Variants in CRPPA observed in about 807,000 individuals in gnomAD.
CRPPA encodes the protein CDP-L-ribitol pyrophosphorylase A, also known as D-ribitol-5-phosphate cytidylyltransferase.
CRPPA carries 43 observed loss-of-function variants against 52.0 expected under a neutral mutation model. The observed-to-expected ratio is 0.83, with a 90% CI of 0.65 to 1.07. The LOEUF is 1.07. Ranked by LOEUF, CRPPA falls within the 50% of genes least tolerant of loss-of-function variation. The pLI, the probability that CRPPA is intolerant of heterozygous loss-of-function variation, is 0.00. For missense variants in CRPPA, 629 were observed against 551.7 expected (o/e 1.14, Z -1.40); for synonymous variants, 250 against 203.5 (o/e 1.23, Z -1.94).
At chr7:16,370,893 C>T (rs1407950735) in intron 3 of CRPPA, among the ~76,000 whole-genome samples, 1 of 152,182 alleles carries the variant, frequency 6.6e-6, no homozygotes, top group Non-Finnish European at 1.5e-5. Flanking sequence ...GGTGATTGCA[C>T]TCCCACAGAA....
At chr7:16,122,287 G>A (rs2128370112) in intron 9 of CRPPA, among the ~76,000 whole-genome samples, 1 of 151,806 alleles carries the variant, frequency 6.6e-6, no homozygotes, top group Non-Finnish European at 1.5e-5. Flanking sequence ...ACAAATATCT[G>A]GCAGCTATAA....
chr7:16,121,427 T>C (rs1431679266), intron 9 of CRPPA, among the ~76,000 whole-genome samples: 6 of 151,986 alleles, frequency 3.9e-5, no homozygotes, highest in African/African-American at 1.4e-4. Context: ...AATTACCTAG[T>C]TAATTTATGT....
At chr7:16,254,843 A>AAGAAAGAAAGAC (rs1562588853) in intron 8 of CRPPA, among the ~76,000 whole-genome samples, 2 of 145,642 alleles carry the variant, frequency 1.4e-5, no homozygotes, top group African/African-American at 5.0e-5. Context: ...GAAAGAAAGA[A>AAGAAAGAAAGAC]AGAGAAAGAA....
intron 9 of CRPPA, among the ~76,000 whole-genome samples, chr7:16,166,528 C>CT (rs1781069122): frequency 6.6e-6 from 1 of 152,142 alleles, no homozygotes; most frequent in Non-Finnish European, 1.5e-5. Context: ...AATCCACCCC[C>CT]CTCAATCTCT....
rs1783263878 is a variant in CRPPA, at chr7:16,159,770, TGAG to T, written c.1251+56293_1251+56295del. On this transcript the variant is annotated intron_variant, in intron 9 of 9. Transcript: ENST00000407010. ...AATGCTATTTCTACTTTTAGATCCT[TGAG>T]GAATCGCCACACTGTTTTCCACAAT... 3.3e-5 allele frequency among the ~76,000 whole-genome samples: 5 copies of T among 152,342 alleles called. No homozygotes were observed. In the South Asian group the frequency reaches 8.3e-4, roughly 25 times the overall value.
intron 5 of CRPPA, among the ~76,000 whole-genome samples, chr7:16,292,076 A>C (rs1784575623): frequency 6.6e-6 from 1 of 151,936 alleles, no homozygotes; most frequent in Non-Finnish European, 1.5e-5. Context: ...TATCTAACAC[A>C]ACATTAGCCA....
intron 5 of CRPPA, among the ~76,000 whole-genome samples, chr7:16,280,956 G>A (rs1281017665): frequency 6.6e-6 from 1 of 152,104 alleles, no homozygotes; most frequent in South Asian, 2.1e-4. Context: ...GGAGGCAGAG[G>A]TTGCACTGAG....
rs141032612 is a variant in CRPPA, at chr7:16,310,803, C to T, written c.685-2176G>A. Among the ~76,000 whole-genome samples, 641 of 152,188 alleles carry T rather than the reference C, an allele frequency of 4.2e-3. 6 individuals carry two copies. Among genetic ancestry groups the T allele is most frequent in the African/African-American group, 0.014 (595 of 41,538 alleles). On this transcript the variant is annotated intron_variant, in intron 3 of 9. Coordinates refer to ENST00000407010, the MANE Select transcript of CRPPA (RefSeq NM_001101426.4). ...GCCAAGCCCACTTAACGAAAACTATCTTACAAACAAGATGTAATCCAAATG... is the reference window on the plus strand; with the variant it reads ...GCCAAGCCCACTTAACGAAAACTATTTTACAAACAAGATGTAATCCAAATG...
At chr7:16,142,763 G>T (rs1347761199) in intron 9 of CRPPA, among the ~76,000 whole-genome samples, 1 of 152,002 alleles carries the variant, frequency 6.6e-6, no homozygotes, top group Non-Finnish European at 1.5e-5. Context: ...ATTCTAATGA[G>T]GTATTAATCA....
rs192791840 is a variant in CRPPA, at chr7:16,315,782, A to T, written c.685-7155T>A. Among the ~76,000 whole-genome samples, 685 of 152,106 alleles carry T rather than the reference A, an allele frequency of 4.5e-3. 8 individuals carry two copies. The highest frequency in any genetic ancestry group is 6.6e-3 in the Non-Finnish European group (449 of 67,970). ...AGCTAACTCACACTTGTCTATACTGAGTCTCTAGCAATTCTTCAATTATAA... is the reference window on the plus strand; with the variant it reads ...AGCTAACTCACACTTGTCTATACTGTGTCTCTAGCAATTCTTCAATTATAA... On this transcript the variant is annotated intron_variant, in intron 3 of 9. Coordinates refer to ENST00000407010, the MANE Select transcript of CRPPA (RefSeq NM_001101426.4).
intron 2 of CRPPA, among the ~76,000 whole-genome samples, chr7:16,400,520 C>G (rs924390223): frequency 6.6e-6 from 1 of 152,172 alleles, no homozygotes; most frequent in Admixed American, 6.5e-5. Flanking sequence ...ACACGACTGG[C>G]ACATGATTGA....
chr7:16,114,655 AC>A (rs1298690704), intron 9 of CRPPA, among the ~76,000 whole-genome samples: 1 of 152,100 alleles, frequency 6.6e-6, no homozygotes, highest in Non-Finnish European at 1.5e-5. Flanking sequence ...ACACACACAC[AC>A]AACAAGGGAG....
intron 3 of CRPPA, among the ~76,000 whole-genome samples, chr7:16,319,241 C>G (rs933018161): frequency 2.6e-5 from 4 of 152,146 alleles, no homozygotes; most frequent in Non-Finnish European, 4.4e-5. Flanking sequence ...AAACACTTAG[C>G]TATTCATTTA....
At chr7:16,278,548 A>G (rs1295206692) in intron 5 of CRPPA, among the ~76,000 whole-genome samples, 1 of 152,226 alleles carries the variant, frequency 6.6e-6, no homozygotes, top group African/African-American at 2.4e-5. Flanking sequence ...CAATCTTTCC[A>G]TGTTTATAAG....
At chr7:16,326,348 T>A (rs1330105612) in intron 3 of CRPPA, among the ~76,000 whole-genome samples, 3 of 152,196 alleles carry the variant, frequency 2.0e-5, no homozygotes, top group South Asian at 2.1e-4. Flanking sequence ...ACTGTGATGA[T>A]ATCAAGGCTA....
intron 2 of CRPPA, among the ~76,000 whole-genome samples, chr7:16,396,240 T>C (rs765810854): frequency 2.6e-5 from 4 of 152,240 alleles, no homozygotes; most frequent in African/African-American, 4.8e-5. Context: ...CTGAAGTATA[T>C]TGATTACAAT....
intron 2 of CRPPA, among the ~76,000 whole-genome samples, chr7:16,382,824 C>A (rs558779101): frequency 2.0e-5 from 3 of 152,270 alleles, no homozygotes; most frequent in South Asian, 4.2e-4. Context: ...AGTTCTCGAG[C>A]CTTGGCTTTC....
rs144795802 is a variant in CRPPA, at chr7:16,201,225, G to A, written c.1251+14841C>T. Among the ~76,000 whole-genome samples, 339 of 152,196 alleles carry A rather than the reference G, an allele frequency of 2.2e-3. 1 individual carries two copies. The highest frequency in any genetic ancestry group is 4.1e-3 in the Admixed American group (62 of 15,290). On this transcript the variant is annotated intron_variant, in intron 9 of 9. Transcript: ENST00000407010. ...ATAAAAACATATAAGCATTGTTCAC[G>A]ACAGGAGACAGACAAATTCCTAGGC...
At chr7:16,330,950 T>C (rs1446583473) in intron 3 of CRPPA, among the ~76,000 whole-genome samples, 2 of 152,196 alleles carry the variant, frequency 1.3e-5, no homozygotes, top group Admixed American at 1.3e-4. Flanking sequence ...CTAGCTATCC[T>C]GTCCCATTTA....
Sources: allele counts gnomAD v4.1 joint callset (sites outside exome capture counted in the v4.1 genomes callset), GRCh38; gene constraint gnomAD v4.1.1; transcripts MANE v1.5; gene names NCBI Gene and HGNC (gene_info 2026-07-23, HGNC 2026-07-21).